Variants in NRG3 observed in about 807,000 individuals in gnomAD.
NRG3 encodes pro-neuregulin-3, membrane-bound isoform.
NRG3 carries 31 observed loss-of-function variants against 66.9 expected under a neutral mutation model. The observed-to-expected ratio is 0.46, with a 90% CI of 0.35 to 0.63. The LOEUF (loss-of-function observed/expected upper bound fraction) is 0.63, where lower values mean the gene tolerates loss of function less well. Among genes scored for constraint, NRG3 ranks in the 20% least tolerant of loss-of-function variants. The pLI is 0.00. For synonymous variants in NRG3, 393 were observed against 359.4 expected (o/e 1.09, Z -1.06); for missense variants, 910 against 878.9 (o/e 1.04, Z -0.45).
intron 1 of NRG3, among the ~76,000 whole-genome samples, chr10:82,112,254 C>G (rs12355006): frequency 0.086 from 13,136 of 152,032 alleles, 640 homozygotes; most frequent in Middle Eastern, 0.11. Flanking sequence ...AAAAAGAAAA[C>G]AAAAGAAAAC....
At chr10:82,759,504 A>G (rs532143813) in intron 3 of NRG3, among the ~76,000 whole-genome samples, 1 of 152,276 alleles carries the variant, frequency 6.6e-6, no homozygotes, top group Non-Finnish European at 1.5e-5. Context: ...AATGAAACCA[A>G]AAGTATGTCA....
intron 1 of NRG3, among the ~76,000 whole-genome samples, chr10:82,226,614 A>G (rs1264358974): frequency 6.6e-6 from 1 of 152,172 alleles, no homozygotes; most frequent in African/African-American, 2.4e-5. Context: ...TATGATAGCA[A>G]ATATTGACTG....
At chr10:81,893,214 G>GTATTT (rs60271824) in intron 1 of NRG3, among the ~76,000 whole-genome samples, 14,284 of 152,050 alleles carry the variant, frequency 0.094, 1,393 homozygotes, top group African/African-American at 0.24. Flanking sequence ...TTAGGAATAT[G>GTATTT]TATTTGCAAA....
At chr10:82,786,508 G>A (rs1294182504) in intron 3 of NRG3, among the ~76,000 whole-genome samples, 2 of 152,060 alleles carry the variant, frequency 1.3e-5, no homozygotes, top group Non-Finnish European at 2.9e-5. Flanking sequence ...TTGGAAGCAT[G>A]TAACTTTTTT....
intron 4 of NRG3, among the ~76,000 whole-genome samples, chr10:82,867,604 C>G (rs1840881131): frequency 6.6e-6 from 1 of 152,130 alleles, no homozygotes; most frequent in Admixed American, 6.5e-5. Context: ...AAAAACAGCT[C>G]TTGAGACAGG....
chr10:82,867,145 T>TA (rs1840834423), intron 4 of NRG3, among the ~76,000 whole-genome samples: 1 of 152,196 alleles, frequency 6.6e-6, no homozygotes, highest in South Asian at 2.1e-4. Context: ...TATTTCCTGA[T>TA]ACTACTTTTT....
At chr10:82,460,001 T>C (rs1182982967) in intron 2 of NRG3, among the ~76,000 whole-genome samples, 3 of 152,232 alleles carry the variant, frequency 2.0e-5, no homozygotes, top group Admixed American at 2.0e-4. Context: ...TTTATTTTGA[T>C]AGCTGGTGGG....
intron 1 of NRG3, among the ~76,000 whole-genome samples, chr10:81,964,145 G>T (rs1382886240): frequency 6.6e-6 from 1 of 151,928 alleles, no homozygotes; most frequent in Admixed American, 6.6e-5. Context: ...CATATTCTCT[G>T]CATCAAGATA....
Position 82,115,299 on chromosome 10 carries a change from G to T in NRG3, c.823+239136G>T, listed in dbSNP as rs143961544. On this transcript the variant is annotated intron_variant, in intron 1 of 8. Coordinates refer to ENST00000372141, the MANE Select transcript of NRG3 (RefSeq NM_001010848.4). ...ATAAATGCAAGGAAATTTCCAAGAG[G>T]CCCCTTCAAGTATAACCACAGCTTT... 3.7e-3 allele frequency among the ~76,000 whole-genome samples: 564 copies of T among 152,136 alleles called. 2 individuals carry two copies. The highest frequency in any genetic ancestry group is 0.017 in the Middle Eastern group (5 of 294).
At chr10:82,574,585 C>T (rs2045928475) in intron 2 of NRG3, among the ~76,000 whole-genome samples, 1 of 151,562 alleles carries the variant, frequency 6.6e-6, no homozygotes, top group South Asian at 2.1e-4. Flanking sequence ...GACGGATATC[C>T]CAAATACACA....
intron 1 of NRG3, among the ~76,000 whole-genome samples, chr10:82,291,059 G>T (rs538298265): frequency 3.9e-4 from 59 of 152,066 alleles, no homozygotes; most frequent in African/African-American, 1.4e-3. Context: ...TTCTCAGCTA[G>T]TGCTATTGCA....
In NRG3 at chr10:82,570,219, A is replaced by T. The variant is rs187494720; in HGVS notation, c.954-168358A>T. Among the ~76,000 whole-genome samples the T allele has an allele frequency of 9.6e-4, 146 of 151,722 alleles. 2 individuals are homozygous for T. The highest frequency in any genetic ancestry group is 3.3e-3 in the African/African-American group (135 of 41,490). On this transcript the variant is annotated intron_variant, in intron 2 of 8. Coordinates refer to ENST00000372141, the MANE Select transcript of NRG3 (RefSeq NM_001010848.4). ...TCCTATGCTATTACTTAAAATAGTT[A>T]CCACTGTTTGGGAATAAAGGTTAAA...
chr10:82,778,663 C>T lies in NRG3; in HGVS notation c.1027+40013C>T, dbSNP rs2059999853. Among the ~76,000 whole-genome samples the T allele has an allele frequency of 2.6e-5, 4 of 152,208 alleles. No individual in the cohort carries two copies. The South Asian group carries it at 8.3e-4, about 32-fold the overall frequency. ...CAAATCATATCAATTGATTTAGGTA[C>T]TGAGGGGCTGTGGCTGCTTTCTGGC... On this transcript the variant is annotated intron_variant, in intron 3 of 8. Coordinates refer to ENST00000372141, the MANE Select transcript of NRG3 (RefSeq NM_001010848.4).
chr10:82,962,659 T>C (rs751257563), intron 6 of NRG3, among the ~76,000 whole-genome samples: 1 of 151,934 alleles, frequency 6.6e-6, no homozygotes, highest in Admixed American at 6.6e-5. Context: ...GCCAACATGG[T>C]GAAACCCCAT....
rs574218535 is a variant in NRG3, at chr10:82,409,579, G to T, written c.953+50711G>T. Among the ~76,000 whole-genome samples the T allele has an allele frequency of 6.6e-5, 10 of 152,256 alleles. No homozygotes were observed. In the South Asian group the frequency reaches 2.1e-3, roughly 32 times the overall value. Reference sequence around the variant, plus strand: ...CCATTATTTGTGCTGGATGCTGAGTGGTCTGGATGGCTCATTGTCAGAAAA... The same window carrying T: ...CCATTATTTGTGCTGGATGCTGAGTTGTCTGGATGGCTCATTGTCAGAAAA... On this transcript the variant is annotated intron_variant, in intron 2 of 8. Transcript: ENST00000372141.
At chr10:82,456,139 T>C (rs1459697284) in intron 2 of NRG3, among the ~76,000 whole-genome samples, 3 of 14,440 alleles carry the variant, frequency 2.1e-4, no homozygotes, top group Non-Finnish European at 1.4e-3. Context: ...TTCTGTCACT[T>C]TTTTTTTTTT....
At chr10:81,971,440 G>A (rs1208473491) in intron 1 of NRG3, among the ~76,000 whole-genome samples, 1 of 152,182 alleles carries the variant, frequency 6.6e-6, no homozygotes, top group East Asian at 1.9e-4. Flanking sequence ...AGAAAACAGA[G>A]TGAAAATATC....
chr10:81,875,484 C>A lies in NRG3; in HGVS notation c.144C>A (p.Pro48=), dbSNP rs750705046. Residue 48 remains proline (P), a synonymous_variant, in exon 1 of 9, where the codon CCC becomes CCA. Coordinates refer to ENST00000372141, the MANE Select transcript of NRG3 (RefSeq NM_001010848.4). This position sits in a 1 kb window ranked among gnomAD's most constrained non-coding sequence, Gnocchi z 5.3. ...GCGGCGGCGAAGGGGCGGCCGAGCC[C>A]CCCCGGGAGTTACGCTGTAGCGACT... ...PDGGGEGAAE[P]PRELRCSDCI... is the part of the protein sequence containing the mutation. 4 of 1,463,704 alleles carry A rather than the reference C, an allele frequency of 2.7e-6. No individual in the cohort carries two copies. Among genetic ancestry groups the A allele is most frequent in the Non-Finnish European group, 2.7e-6 (3 of 1,098,530 alleles). 90.7% of individuals were successfully genotyped at this position (1,463,704 alleles called of 1,614,324 possible).
chr10:82,092,748 C>T (rs79770509), intron 1 of NRG3, among the ~76,000 whole-genome samples: 4,158 of 152,132 alleles, frequency 0.027, 197 homozygotes, highest in African/African-American at 0.096. Flanking sequence ...ACAAGGTTTC[C>T]ATTTGGGGAA....
Sources: allele counts gnomAD v4.1 joint callset (sites outside exome capture counted in the v4.1 genomes callset), GRCh38; gene constraint gnomAD v4.1.1; non-coding constraint Gnocchi (gnomAD v3.1); transcripts MANE v1.5; gene names NCBI Gene and HGNC (gene_info 2026-07-23, HGNC 2026-07-21).